RASAL3: variants seen among roughly 807,000 people sequenced by gnomAD.
The protein encoded by RASAL3 is RAS protein activator like-3.
Under a neutral mutation model 105.5 loss-of-function variants are expected in RASAL3, and 74 were observed. That is an observed-to-expected ratio of 0.70 (90% CI 0.58 to 0.85). The LOEUF is 0.85. Among genes scored for constraint, RASAL3 ranks in the 40% least tolerant of loss-of-function variants. The pLI is 0.00. For missense variants in RASAL3, 1,352 were observed against 1,392.0 expected, an observed-to-expected ratio of 0.97 and a Z score of 0.46; for synonymous variants, 579 against 591.6, an observed-to-expected ratio of 0.98 and a Z score of 0.31.
At chr19:15,452,342 G>C in intron 16 of RASAL3, 1 of 605,166 alleles carries the variant, frequency 1.7e-6, no homozygotes, top group East Asian at 2.8e-5. Flanking sequence ...AGTCCTGGGT[G>C]GGGTCGTGAC....
At chr19:15,458,259 G>A (rs1250022113) in intron 8 of RASAL3, 69 bp downstream of exon 8, 2 of 1,463,074 alleles carry the variant, frequency 1.4e-6, no homozygotes, top group South Asian at 1.2e-5. Flanking sequence ...CTGGCTTTGG[G>A]TAGAGTGGAA....
Position 15,457,869 on chromosome 19 carries a change from G to C in RASAL3, c.889-35C>G. 6.5e-7 allele frequency: 1 copy of C among 1,544,606 alleles called. No individual in the cohort carries two copies. Among genetic ancestry groups the C allele is most frequent in the Non-Finnish European group, 8.7e-7 (1 of 1,145,070 alleles). ...GGAGTGGGATGGGGGGAAGCGTTTT[G>C]GTTTGTTGGCACCCCAAAGAAGGCA... On this transcript the variant is annotated intron_variant, in intron 8 of 17. Transcript: ENST00000343625. This position sits in a 1 kb window ranked among gnomAD's most constrained non-coding sequence, Gnocchi z 8.6.
intron 16 of RASAL3, 31 bp downstream of exon 16, chr19:15,452,627 G>T: frequency 6.7e-7 from 1 of 1,496,716 alleles, no homozygotes. Context: ...GCCCACCTGG[G>T]GGCGGAGCTA....
At position 15,452,777 on chromosome 19, in the gene RASAL3, C is replaced by A. The variant is rs746076040; in HGVS notation, c.2709G>T (p.Glu903Asp). The stretch of plus-strand genomic sequence containing the variant: ...CGAGGCGGGACAGCACTTTCTGCTC[C>A]TCACGCAGAGCGGCCACCTCGCACT... ...ELQCEVAALR[E>D]EQKVLSRLVE... Residue 903 changes from glutamate (E) to aspartate (D), a missense_variant, in exon 16 of 18, where the codon GAG becomes GAT. Physicochemically the swap from Glu to Asp is conservative, Grantham distance 45. This residue lies in a region of RASAL3 where 920 missense variants were observed against 919.6 expected (regional missense o/e 1.00). Transcript: ENST00000343625. The A allele has an allele frequency of 1.3e-6, 2 of 1,564,722 alleles. No homozygotes were observed. The highest frequency in any genetic ancestry group is 2.4e-5 in the East Asian group (1 of 42,082).
chr19:15,463,279 A>C lies in RASAL3; in HGVS notation c.328+752T>G, dbSNP rs533962047. On this transcript the variant is annotated intron_variant, in intron 2 of 17. Coordinates refer to ENST00000343625, the MANE Select transcript of RASAL3 (RefSeq NM_022904.3). ...TTTTTTTTTTTGTATTTTTAGTAGAAACAGGGTTTTGCCATGTTGGCCAGG... is the reference window on the plus strand; with the variant it reads ...TTTTTTTTTTTGTATTTTTAGTAGACACAGGGTTTTGCCATGTTGGCCAGG... Among the ~76,000 whole-genome samples, 5 of 151,800 alleles carry C rather than the reference A, an allele frequency of 3.3e-5. No homozygotes were observed. In the East Asian group the frequency reaches 9.8e-4, roughly 30 times the overall value.
In RASAL3 at chr19:15,453,398, G is replaced by T; in HGVS notation, c.2379C>A (p.Arg793=). The change falls in exon 15 of 18, where the codon CGC becomes CGA. Residue 793 remains arginine (R), a synonymous_variant. Transcript: ENST00000343625. This position sits in a 1 kb window ranked among gnomAD's most constrained non-coding sequence, Gnocchi z 4.2. ...GCCGTGGCCGGGCCCAACTCTCTGAGCGGCGAACGCTGCGCAGAGACTGGC... is the reference window on the plus strand; with the variant it reads ...GCCGTGGCCGGGCCCAACTCTCTGATCGGCGAACGCTGCGCAGAGACTGGC... The part of the protein sequence containing the change: ...SKSQSLRSVR[R]SESWARPRPD... The T allele has an allele frequency of 6.7e-7, 1 of 1,489,692 alleles. No homozygotes were observed. Among genetic ancestry groups the T allele is most frequent in the Non-Finnish European group, 8.9e-7 (1 of 1,128,836 alleles). 92.3% of individuals were successfully genotyped at this position (1,489,692 alleles called of 1,614,324 possible). A position where few individuals can be genotyped will look rare whatever the true frequency, so the allele number is the denominator to read the frequency against.
At chr19:15,463,351 C>T (rs1397564193) in intron 2 of RASAL3, among the ~76,000 whole-genome samples, 2 of 152,086 alleles carry the variant, frequency 1.3e-5, no homozygotes, top group African/African-American at 2.4e-5. Context: ...CCTTGGCCTC[C>T]CAAAGTGCTG....
chr19:15,456,962 C>T lies in RASAL3; in HGVS notation c.1432-316G>A, dbSNP rs1970341181. The T allele has an allele frequency of 2.1e-6, 1 of 482,598 alleles. No individual in the cohort carries two copies. The highest frequency in any genetic ancestry group is 3.7e-6 in the Non-Finnish European group (1 of 267,544). 29.9% of individuals were successfully genotyped at this position (482,598 alleles called of 1,614,324 possible). On this transcript the variant is annotated intron_variant, in intron 9 of 17. Transcript: ENST00000343625. This position sits in a 1 kb window ranked among gnomAD's most constrained non-coding sequence, Gnocchi z 4.4. ...TTATGGGTGATAATTAGGCCCCGCC[C>T]CTCACAGCTGAAGCTCAGGCCCAGT...
chr19:15,452,241 C>A (rs545886682), intron 16 of RASAL3, 133 bp from the exon 17 acceptor site: 25 of 810,136 alleles, frequency 3.1e-5, no homozygotes, highest in Middle Eastern at 6.2e-4. Flanking sequence ...AGGGGCGGGG[C>A]CTAAATATGC....
rs766752674 is a variant in RASAL3 at position 15,453,162 on chromosome 19, A to G, written c.2615T>C (p.Met872Thr). Residue 872 changes from methionine to threonine, a missense_variant, in exon 15 of 18, where the codon ATG becomes ACG. Physicochemically the swap from Met to Thr is moderately conservative, Grantham distance 81. Transcript: ENST00000343625. This position sits in a 1 kb window ranked among gnomAD's most constrained non-coding sequence, Gnocchi z 4.2. ...RKPSVPWQRQMDQPQDRNQAL... is the reference protein window; with the variant it reads ...RKPSVPWQRQTDQPQDRNQAL... ...CTGGTTTCGGTCTTGCGGCTGGTCC[A>G]TTTGGCGCTGCCAGGGTACCGACGG... 6.2e-7 allele frequency: 1 copy of G among 1,613,230 alleles called. No homozygotes were observed. The highest frequency in any genetic ancestry group is 1.1e-5 in the South Asian group (1 of 91,042).
In RASAL3 at chr19:15,454,900, C is replaced by T. The variant is rs1970272479; in HGVS notation, c.1722-7G>A. 3 of 1,541,214 alleles carry T rather than the reference C, an allele frequency of 1.9e-6. No homozygotes were observed. Among genetic ancestry groups the T allele is most frequent in the Non-Finnish European group, 2.6e-6 (3 of 1,143,666 alleles). Reference sequence around the variant, plus strand: ...CAGCTCCGCAGGGAACCAGCTGGTGCAGAAGAGGCAATGAATGGTCAGACG... The same window carrying T: ...CAGCTCCGCAGGGAACCAGCTGGTGTAGAAGAGGCAATGAATGGTCAGACG... On this transcript the variant is annotated splice_polypyrimidine_tract_variant and splice_region_variant and intron_variant, in intron 11 of 17. Transcript: ENST00000343625.
At chr19:15,455,085 T>C (rs1970277591) in intron 11 of RASAL3, among the ~76,000 whole-genome samples, 192 bp from the exon 12 acceptor site, 2 of 152,176 alleles carry the variant, frequency 1.3e-5, no homozygotes, top group African/African-American at 2.4e-5. Flanking sequence ...ATATCTGAGA[T>C]AACAATGCTT....
Position 15,457,739 on chromosome 19 carries a change from G to C in RASAL3, c.984C>G (p.Ala328=). 1.3e-6 allele frequency: 2 copies of C among 1,539,834 alleles called. No individual in the cohort carries two copies. Among genetic ancestry groups the C allele is most frequent in the African/African-American group, 1.4e-5 (1 of 72,160 alleles). ...GCAGCGCGCCATCCAGCCACAGCTC[G>C]GCGCGCACGCCGGGTGCCCCCGCCG... is the stretch of plus-strand genomic sequence containing the variant. ...RAAAGAPGVR[A]ELWLDGALLA... Residue 328 remains alanine, a synonymous_variant, in exon 9 of 18, where the codon GCC becomes GCG. Transcript: ENST00000343625. This position sits in a 1 kb window ranked among gnomAD's most constrained non-coding sequence, Gnocchi z 8.6.
chr19:15,458,786 C>CG, intron 6 of RASAL3, 131 bp from the exon 7 acceptor site: 1 of 1,098,702 alleles, frequency 9.1e-7, no homozygotes, highest in Non-Finnish European at 1.2e-6. Context: ...GCCCCCCCCA[C>CG]CCCCCGCCAT....
Position 15,453,348 on chromosome 19 carries a change from C to A in RASAL3, c.2429G>T (p.Arg810Leu), listed in dbSNP as rs753742401. 1.4e-6 allele frequency: 2 copies of A among 1,427,836 alleles called. No homozygotes were observed. Among genetic ancestry groups the A allele is most frequent in the East Asian group, 5.8e-5 (2 of 34,226 alleles). The allele number at this position is 1,427,836 out of a possible 1,614,324, so 88.4% of individuals were successfully genotyped here. ...PRPDEERPLR[R>L]PRPVQRTQSV... is the part of the protein sequence containing the mutation. Reference sequence around the variant, plus strand: ...CTGCGTGCGCTGCACCGGCCGGGGCCGCCGCAGGGGCCGCTCTTCGTCCGG... The same window carrying A: ...CTGCGTGCGCTGCACCGGCCGGGGCAGCCGCAGGGGCCGCTCTTCGTCCGG... The change falls in exon 15 of 18, where the codon CGG (arginine) becomes CTG (leucine). Residue 810 changes from arginine (R) to leucine (L), a missense_variant. By Grantham distance (102) the Arg-to-Leu change is moderately radical. Coordinates refer to ENST00000343625, the MANE Select transcript of RASAL3 (RefSeq NM_022904.3). The surrounding 1 kb of genome is among the most constrained non-coding windows in gnomAD (Gnocchi z 4.2).
In RASAL3 at chr19:15,457,497, G is replaced by A. The variant is rs1401948831; in HGVS notation, c.1226C>T (p.Ala409Val). ...GLERWFPLLG[A>V]PAGAALRARI... ...CGCCCGCAGCGCTGCGCCCGCCGGC[G>A]CCCCGAGCAGCGGGAACCAGCGCTC... Residue 409 changes from alanine to valine, a missense_variant, in exon 9 of 18, where the codon GCG becomes GTG. Physicochemically the swap from Ala to Val is moderately conservative, Grantham distance 64. Transcript: ENST00000343625. The surrounding 1 kb of genome is among the most constrained non-coding windows in gnomAD (Gnocchi z 8.6). 8.4e-7 allele frequency: 1 copy of A among 1,189,810 alleles called. No individual in the cohort carries two copies. The highest frequency in any genetic ancestry group is 1.0e-6 in the Non-Finnish European group (1 of 956,594). 73.7% of individuals were successfully genotyped at this position (1,189,810 alleles called of 1,614,324 possible).
At chr19:15,461,163 GC>G in intron 4 of RASAL3, 42 bp from the exon 5 acceptor site, 1 of 1,613,004 alleles carries the variant, frequency 6.2e-7, no homozygotes, top group Non-Finnish European at 8.5e-7. Flanking sequence ...GTTGGATTCT[GC>G]CCCACTTTTA....
intron 8 of RASAL3, 27 bp downstream of exon 8, chr19:15,458,301 G>A (rs1183903958): frequency 6.2e-7 from 1 of 1,600,802 alleles, no homozygotes; most frequent in Admixed American, 1.7e-5. Context: ...CGGGGTCTCC[G>A]TGTCCCGCTT....
Position 15,464,023 on chromosome 19 carries a change from C to G in RASAL3, c.328+8G>C. The G allele has an allele frequency of 6.5e-7, 1 of 1,541,236 alleles. No individual in the cohort carries two copies. Among genetic ancestry groups the G allele is most frequent in the Non-Finnish European group, 8.7e-7 (1 of 1,144,714 alleles). ...CCGGCCCAAGCTCAGGGTGGGGGAACCATGTACCTGGGGCCTCCTGCTCCG... is the reference window on the plus strand; with the variant it reads ...CCGGCCCAAGCTCAGGGTGGGGGAAGCATGTACCTGGGGCCTCCTGCTCCG... On this transcript the variant is annotated splice_region_variant and intron_variant, in intron 2 of 17. Transcript: ENST00000343625.
Sources: gnomAD v4.1 joint callset for allele counts (sites outside exome capture counted in the v4.1 genomes callset) on GRCh38, gnomAD v4.1.1 for gene constraint, gnomAD v4.1.1 regional missense constraint, Gnocchi (gnomAD v3.1) non-coding constraint, MANE v1.5 for transcripts, NCBI Gene and HGNC (gene_info 2026-07-23, HGNC 2026-07-21) for gene names.